AFAP1L1: variants seen among roughly 807,000 people sequenced by gnomAD.
AFAP1L1 encodes actin filament-associated protein 1-like 1.
In AFAP1L1, 77 loss-of-function variants were observed where a neutral mutation model predicts 99.8. That is an observed-to-expected ratio of 0.77 (90% CI 0.64 to 0.93). The LOEUF (loss-of-function observed/expected upper bound fraction) is 0.93, where lower values mean the gene tolerates loss of function less well. AFAP1L1 is among the 40% of genes least tolerant of loss of function. The probability of loss-of-function intolerance (pLI) is 0.00; values close to 1 mark genes in which losing one functional copy is unlikely to be tolerated. For missense variants in AFAP1L1, 893 were observed against 996.8 expected, an observed-to-expected ratio of 0.90 and a Z score of 1.40; for synonymous variants, 373 against 395.3, an observed-to-expected ratio of 0.94 and a Z score of 0.67.
intron 1 of AFAP1L1, among the ~76,000 whole-genome samples, chr5:149,292,718 A>C (rs1159019750): frequency 6.6e-6 from 1 of 152,192 alleles, no homozygotes; most frequent in African/African-American, 2.4e-5. Context: ...CTAAGACTCA[A>C]CTAAACCAAG....
chr5:149,338,758 A>G (rs1222044617), intron 18 of AFAP1L1, among the ~76,000 whole-genome samples: 1 of 152,222 alleles, frequency 6.6e-6, no homozygotes, highest in East Asian at 1.9e-4. Context: ...AAGCACAGTG[A>G]TAGCAAAGAC....
chr5:149,285,167 G>T (rs1323373531), intron 1 of AFAP1L1, among the ~76,000 whole-genome samples: 1 of 152,104 alleles, frequency 6.6e-6, no homozygotes. Context: ...CCAAATCCAG[G>T]TTTAACACTG....
Position 149,310,003 on chromosome 5 carries a change from G to A in AFAP1L1, c.795G>A (p.Leu265=). 6.2e-7 allele frequency: 1 copy of A among 1,614,242 alleles called. No homozygotes were observed. Among genetic ancestry groups the A allele is most frequent in the Non-Finnish European group, 8.5e-7 (1 of 1,180,046 alleles). The change falls in exon 8 of 19, where the codon CTG becomes CTA. Residue 265 remains leucine (L), a synonymous_variant. Coordinates refer to ENST00000296721, the MANE Select transcript of AFAP1L1 (RefSeq NM_152406.4). ...KDRQPHLRLA[L]DTCSIIYVPK... Reference sequence around the variant, plus strand: ...GGCAGCCACATCTGAGGTTGGCACTGGATACCTGCAGCATCATCTACGTGC... The same window carrying A: ...GGCAGCCACATCTGAGGTTGGCACTAGATACCTGCAGCATCATCTACGTGC...
intron 15 of AFAP1L1, among the ~76,000 whole-genome samples, chr5:149,323,455 T>G (rs1486940165): frequency 6.6e-6 from 1 of 152,276 alleles, no homozygotes; most frequent in East Asian, 1.9e-4. Context: ...TTTATCTTTA[T>G]GAACAAGCCA....
chr5:149,282,824 A>G (rs903568489), intron 1 of AFAP1L1, among the ~76,000 whole-genome samples: 7 of 152,214 alleles, frequency 4.6e-5, no homozygotes, highest in African/African-American at 1.7e-4. Context: ...CAAGGAATGA[A>G]GCACTGTCCT....
At chr5:149,292,340 C>T (rs2127592111) in intron 1 of AFAP1L1, among the ~76,000 whole-genome samples, 1 of 152,314 alleles carries the variant, frequency 6.6e-6, no homozygotes, top group African/African-American at 2.4e-5. Flanking sequence ...TTCACTCAGG[C>T]TGCATCAGGG....
At chr5:149,282,768 T>G (rs996406710) in intron 1 of AFAP1L1, among the ~76,000 whole-genome samples, 16 of 152,142 alleles carry the variant, frequency 1.1e-4, no homozygotes, top group African/African-American at 3.1e-4. Flanking sequence ...TGGGAGTGTC[T>G]CCCTGGAGCA....
intron 1 of AFAP1L1, among the ~76,000 whole-genome samples, chr5:149,286,778 A>G (rs531688094): frequency 3.0e-4 from 46 of 152,328 alleles, no homozygotes; most frequent in African/African-American, 1.1e-3. Context: ...GAGGGCAGTT[A>G]TGATCACCCC....
At chr5:149,322,467 G>A (rs1581334641) in intron 14 of AFAP1L1, 139 bp from the exon 15 acceptor site, 2 of 558,710 alleles carry the variant, frequency 3.6e-6, no homozygotes, top group East Asian at 6.4e-5. Flanking sequence ...TATGATTTTT[G>A]AGTGCTATGC....
At chr5:149,316,928 G>A (rs994794260) in intron 11 of AFAP1L1, among the ~76,000 whole-genome samples, 4 of 152,210 alleles carry the variant, frequency 2.6e-5, no homozygotes, top group African/African-American at 9.6e-5. Context: ...ACTTTGGGAG[G>A]CTGAGGAGGG....
intron 16 of AFAP1L1, among the ~76,000 whole-genome samples, chr5:149,330,800 A>G (rs996031990): frequency 3.3e-5 from 5 of 152,126 alleles, no homozygotes; most frequent in African/African-American, 1.2e-4. Context: ...TATTATATTT[A>G]TTATTTATTG....
rs2127596039 is a variant in AFAP1L1 at position 149,307,411 on chromosome 5, C to CT, written c.546dup (p.Asp183Ter). ...CCCGTGACGCCTGCAGATAATGACT[C>CT]TGACGCAATGAGCAGCTCCTATGAG... On this transcript the variant is annotated frameshift_variant, in exon 7 of 19. Transcript: ENST00000296721. LOFTEE classifies it high-confidence loss of function. The CT allele has an allele frequency of 6.2e-7, 1 of 1,614,098 alleles. No homozygotes were observed. The highest frequency in any genetic ancestry group is 8.5e-7 in the Non-Finnish European group (1 of 1,180,018).
chr5:149,282,779 C>T (rs1050627601), intron 1 of AFAP1L1, among the ~76,000 whole-genome samples: 1 of 152,164 alleles, frequency 6.6e-6, no homozygotes, highest in East Asian at 1.9e-4. Flanking sequence ...CCCTGGAGCA[C>T]TGTGGTGAGA....
chr5:149,286,026 A>G (rs576042743), intron 1 of AFAP1L1, among the ~76,000 whole-genome samples: 1 of 152,132 alleles, frequency 6.6e-6, no homozygotes, highest in South Asian at 2.1e-4. Flanking sequence ...CAAGTCATCT[A>G]CTCTGGCGCA....
rs565104267 is a variant in AFAP1L1 at position 149,305,868 on chromosome 5, G to A, written c.437-438G>A. On this transcript the variant is annotated intron_variant, in intron 5 of 18. Coordinates refer to ENST00000296721, the MANE Select transcript of AFAP1L1 (RefSeq NM_152406.4). Reference sequence around the variant, plus strand: ...CCTGCAGTGCAAAAATCAGAGCTGCGACCAACACACCACACACACACACAC... The same window carrying A: ...CCTGCAGTGCAAAAATCAGAGCTGCAACCAACACACCACACACACACACAC... Among the ~76,000 whole-genome samples, 12 of 132,766 alleles carry A rather than the reference G, an allele frequency of 9.0e-5. No homozygotes were observed. In the East Asian group the frequency reaches 1.4e-3, roughly 16 times the overall value. The allele number at this position is 132,766 out of a possible 152,430, so 87.1% of individuals were successfully genotyped here.
chr5:149,301,273 C>G, intron 4 of AFAP1L1, 43 bp downstream of exon 4: 1 of 1,581,386 alleles, frequency 6.3e-7, no homozygotes, highest in Non-Finnish European at 8.7e-7. Context: ...GCCTCTGTCC[C>G]TCTGGAGGAG....
intron 8 of AFAP1L1, 57 bp from the exon 9 acceptor site, chr5:149,312,055 C>T (rs2127597485): frequency 6.6e-7 from 1 of 1,510,426 alleles, no homozygotes; most frequent in East Asian, 2.3e-5. Flanking sequence ...CCCCATTCTT[C>T]CTTTGCATCA....
chr5:149,328,574 T>C (rs1309478042), intron 15 of AFAP1L1, among the ~76,000 whole-genome samples: 4 of 152,170 alleles, frequency 2.6e-5, no homozygotes, highest in Non-Finnish European at 4.4e-5. Flanking sequence ...TTTGGGAGGC[T>C]GAGGCAGGCT....
chr5:149,287,005 T>G (rs1755702067), intron 1 of AFAP1L1, among the ~76,000 whole-genome samples: 1 of 152,212 alleles, frequency 6.6e-6, no homozygotes, highest in Admixed American at 6.5e-5. Flanking sequence ...AGGCCTCAGT[T>G]TCCTGTCAGT....
Sources: gnomAD v4.1 joint callset for allele counts (sites outside exome capture counted in the v4.1 genomes callset) on GRCh38, gnomAD v4.1.1 for gene constraint, MANE v1.5 for transcripts, NCBI Gene and HGNC (gene_info 2026-07-23, HGNC 2026-07-21) for gene names.